The following ARHGAP10 variants were observed in gnomAD, a reference collection of about 807,000 sequenced individuals.
ARHGAP10 encodes the protein Rho GTPase activating protein 10.
Under a neutral mutation model 108.6 loss-of-function variants are expected in ARHGAP10, and 87 were observed. The ratio of observed to expected loss-of-function variants is 0.80; its 90% CI spans 0.67 to 0.96. ARHGAP10 has a LOEUF of 0.96. Ranked by LOEUF, ARHGAP10 falls within the 40% of genes least tolerant of loss-of-function variation. ARHGAP10 has a pLI of 0.00. For missense variants in ARHGAP10, 939 were observed against 954.5 expected, an observed-to-expected ratio of 0.98 and a Z score of 0.21; for synonymous variants, 347 against 341.1, an observed-to-expected ratio of 1.02 and a Z score of -0.19.
Position 147,807,072 on chromosome 4 carries a change from G to A in ARHGAP10, c.155-15655G>A, listed in dbSNP as rs118057129. ...TGGGGGCAGGTAATTCTGCTGAACA[G>A]TTTGAGAATGAAACTTTGAAAATGG... On this transcript the variant is annotated intron_variant, in intron 1 of 22. Coordinates refer to ENST00000336498, the MANE Select transcript of ARHGAP10 (RefSeq NM_024605.4). Among the ~76,000 whole-genome samples, 334 of 152,278 alleles carry A rather than the reference G, an allele frequency of 2.2e-3. 5 individuals carry two copies. In the East Asian group the frequency reaches 0.035, roughly 16 times the overall value.
At chr4:148,035,776 T>G (rs1728351748) in intron 19 of ARHGAP10, among the ~76,000 whole-genome samples, 1 of 152,172 alleles carries the variant, frequency 6.6e-6, no homozygotes, top group African/African-American at 2.4e-5. Context: ...TAATGGGCAG[T>G]TGGCAGGGTT....
chr4:147,991,942 C>T (rs937919885), intron 18 of ARHGAP10, among the ~76,000 whole-genome samples: 2 of 152,154 alleles, frequency 1.3e-5, no homozygotes, highest in African/African-American at 4.8e-5. Flanking sequence ...AGGGTCTCCC[C>T]GTTCTATAGG....
At chr4:147,916,137 T>G (rs961632228) in intron 13 of ARHGAP10, among the ~76,000 whole-genome samples, 2 of 152,200 alleles carry the variant, frequency 1.3e-5, no homozygotes, top group African/African-American at 4.8e-5. Flanking sequence ...ATGTGACTGA[T>G]GACCAGAAGC....
At chr4:147,794,652 T>C (rs2126751256) in intron 1 of ARHGAP10, among the ~76,000 whole-genome samples, 1 of 152,356 alleles carries the variant, frequency 6.6e-6, no homozygotes, top group Non-Finnish European at 1.5e-5. Context: ...CATATTTTGT[T>C]ATGTTTCATG....
intron 12 of ARHGAP10, among the ~76,000 whole-genome samples, chr4:147,912,794 C>G (rs979611915): frequency 6.6e-6 from 1 of 150,768 alleles, no homozygotes; most frequent in Non-Finnish European, 1.5e-5. Context: ...TACAGGCACC[C>G]ATCATTAAAC....
At chr4:147,840,767 G>A (rs1733379732) in intron 3 of ARHGAP10, among the ~76,000 whole-genome samples, 1 of 152,152 alleles carries the variant, frequency 6.6e-6, no homozygotes. Flanking sequence ...AAATCCTAAC[G>A]GCGCTACTTT....
chr4:147,855,919 G>T (rs568907360), intron 4 of ARHGAP10, among the ~76,000 whole-genome samples: 2 of 152,262 alleles, frequency 1.3e-5, no homozygotes, highest in South Asian at 4.1e-4. Context: ...AACATGCTTT[G>T]TTTAATCTCT....
At chr4:147,958,132 G>C (rs1738858003) in intron 16 of ARHGAP10, among the ~76,000 whole-genome samples, 4 of 152,178 alleles carry the variant, frequency 2.6e-5, no homozygotes, top group Admixed American at 2.6e-4. Flanking sequence ...CAGGCATCTA[G>C]CTGGATGTCT....
Position 147,796,393 on chromosome 4 carries a change from A to G in ARHGAP10, c.155-26334A>G, listed in dbSNP as rs896927987. On this transcript the variant is annotated intron_variant, in intron 1 of 22. Coordinates refer to ENST00000336498, the MANE Select transcript of ARHGAP10 (RefSeq NM_024605.4). ...TTTTAAAAGCGTAGTGGAAGGAGAC[A>G]CCTGGGAGGTTGGGAGGAGGGCCCT... Among the ~76,000 whole-genome samples the G allele has an allele frequency of 1.1e-4, 16 of 152,258 alleles. No individual in the cohort carries two copies. In the East Asian group the frequency reaches 2.9e-3, roughly 28 times the overall value.
chr4:147,784,374 T>G (rs1384234766), intron 1 of ARHGAP10, among the ~76,000 whole-genome samples: 2 of 133,080 alleles, frequency 1.5e-5, no homozygotes, highest in African/African-American at 5.4e-5. Flanking sequence ...TAATACATAT[T>G]AAATTATATA....
At chr4:147,807,328 A>G (rs942079221) in intron 1 of ARHGAP10, among the ~76,000 whole-genome samples, 1 of 152,216 alleles carries the variant, frequency 6.6e-6, no homozygotes, top group African/African-American at 2.4e-5. Flanking sequence ...AAAGCTCTAA[A>G]AAAGAAAAAA....
rs1477533494 is a variant in ARHGAP10 at position 147,864,953 on chromosome 4, A to G, written c.594A>G (p.Glu198=). ...AAAGAAAGAAGTTTGAGTTTGTGGAACCTGTGAGTATTGCCAAGTTGTTTG... is the reference window on the plus strand; with the variant it reads ...AAAGAAAGAAGTTTGAGTTTGTGGAGCCTGTGAGTATTGCCAAGTTGTTTG... ...IQERKKFEFV[E]PMLSFFQGMF... The change falls in exon 6 of 23, where the codon GAA becomes GAG. Residue 198 remains glutamate, a synonymous_variant. Coordinates refer to ENST00000336498, the MANE Select transcript of ARHGAP10 (RefSeq NM_024605.4). 1 of 1,612,146 alleles carries G rather than the reference A, an allele frequency of 6.2e-7. No individual in the cohort carries two copies. The highest frequency in any genetic ancestry group is 1.3e-5 in the African/African-American group (1 of 74,880).
At chr4:147,802,681 C>G (rs1731630756) in intron 1 of ARHGAP10, among the ~76,000 whole-genome samples, 1 of 152,214 alleles carries the variant, frequency 6.6e-6, no homozygotes. Context: ...TCTACTTACA[C>G]TGGTTTTTTG....
intron 18 of ARHGAP10, among the ~76,000 whole-genome samples, chr4:147,972,002 A>G (rs575213878): frequency 1.6e-4 from 25 of 152,160 alleles, no homozygotes; most frequent in African/African-American, 5.3e-4. Context: ...TAGAGATTCA[A>G]TCCTGGGACA....
intron 10 of ARHGAP10, among the ~76,000 whole-genome samples, chr4:147,882,815 C>T (rs902989515): frequency 5.3e-5 from 8 of 152,124 alleles, no homozygotes; most frequent in African/African-American, 1.7e-4. Flanking sequence ...GCATTAATTT[C>T]TATGTCCTCC....
intron 7 of ARHGAP10, among the ~76,000 whole-genome samples, chr4:147,873,712 A>ACACACACACACACACC (rs1734940776): frequency 6.6e-6 from 1 of 150,700 alleles, no homozygotes. Context: ...ACACACACAC[A>ACACACACACACACACC]CACACACACA....
intron 7 of ARHGAP10, among the ~76,000 whole-genome samples, chr4:147,874,190 A>G (rs1449016052): frequency 1.3e-5 from 2 of 152,192 alleles, no homozygotes; most frequent in Non-Finnish European, 2.9e-5. Context: ...AGAAATTTCA[A>G]TAATAATTTT....
intron 1 of ARHGAP10, among the ~76,000 whole-genome samples, chr4:147,781,681 C>CTTTTTTTTTTTTTTTTTTTTTT (rs56781517): frequency 7.7e-6 from 1 of 130,586 alleles, no homozygotes; most frequent in African/African-American, 2.9e-5. Flanking sequence ...CTTTTCTTTT[C>CTTTTTTTTTTTTTTTTTTTTTT]TTTTTTTTTT....
At chr4:148,029,960 G>T (rs975460430) in intron 19 of ARHGAP10, among the ~76,000 whole-genome samples, 3 of 151,886 alleles carry the variant, frequency 2.0e-5, no homozygotes, top group Non-Finnish European at 4.4e-5. Context: ...CCCTGCGTTG[G>T]TGTCTCCCCA....
Sources: gnomAD v4.1 joint callset for allele counts (sites outside exome capture counted in the v4.1 genomes callset) on GRCh38, gnomAD v4.1.1 for gene constraint, MANE v1.5 for transcripts, NCBI Gene and HGNC (gene_info 2026-07-23, HGNC 2026-07-21) for gene names.